RAB27A: variants seen among roughly 807,000 people sequenced by gnomAD.
The protein encoded by RAB27A is RAB27A, member RAS oncogene family.
RAB27A carries 17 observed loss-of-function variants against 20.8 expected under a neutral mutation model. The observed-to-expected ratio is 0.82, with a 90% CI of 0.56 to 1.23. RAB27A has a LOEUF of 1.23. Among genes scored for constraint, RAB27A ranks in the 50% most tolerant of loss-of-function variants. The pLI is 0.00. For missense variants in RAB27A, 277 were observed against 266.7 expected (o/e 1.04, Z -0.27); for synonymous variants, 85 against 92.8 (o/e 0.92, Z 0.48).
chr15:55,237,080 T>G (rs73409874), intron 2 of RAB27A, among the ~76,000 whole-genome samples: 1,620 of 152,238 alleles, frequency 0.011, 36 homozygotes, highest in African/African-American at 0.037. Context: ...ACATGACTAT[T>G]CAAACATACA....
chr15:55,233,152 T>C (rs1319821004), intron 3 of RAB27A, among the ~76,000 whole-genome samples: 1 of 151,992 alleles, frequency 6.6e-6, no homozygotes, highest in African/African-American at 2.4e-5. Context: ...AAAAATTAAC[T>C]GCATACAGCA....
At position 55,209,953 on chromosome 15, in the gene RAB27A, C is replaced by T. The variant is rs1166779587; in HGVS notation, c.468-4248G>A. On this transcript the variant is annotated intron_variant, in intron 6 of 6. Transcript: ENST00000336787. ...ATATGTATGTACATGTACACACATA[C>T]GCATATATGTGCGTATGTGTGTACA... 2.7e-4 allele frequency among the ~76,000 whole-genome samples: 36 copies of T among 132,534 alleles called. 2 individuals carry two copies. Among genetic ancestry groups the T allele is most frequent in the Non-Finnish European group, 5.4e-4 (34 of 62,766 alleles). 86.9% of individuals were successfully genotyped at this position (132,534 alleles called of 152,430 possible).
chr15:55,265,782 CA>C (rs1173904523), intron 2 of RAB27A, among the ~76,000 whole-genome samples: 2 of 152,120 alleles, frequency 1.3e-5, no homozygotes, highest in Non-Finnish European at 2.9e-5. Flanking sequence ...AGGACTTCAG[CA>C]GTGGATGTGG....
rs146857063 is a variant in RAB27A, at chr15:55,252,669, T to TAGAC, written c.-23+17492_-23+17495dup. On this transcript the variant is annotated intron_variant, in intron 2 of 6. Transcript: ENST00000336787. ...AAAAACCCCAAAAGCTATTGATTGATAGACAGACAGACAGACAGATAGATA... is the reference window on the plus strand; with the variant it reads ...AAAAACCCCAAAAGCTATTGATTGATAGACAGACAGACAGACAGACAGATAGATA... 5.9e-4 allele frequency among the ~76,000 whole-genome samples: 90 copies of TAGAC among 151,970 alleles called. 2 individuals carry two copies. Among genetic ancestry groups the TAGAC allele is most frequent in the African/African-American group, 1.9e-3 (79 of 41,380 alleles).
chr15:55,233,772 T>G (rs894934440), intron 3 of RAB27A, among the ~76,000 whole-genome samples: 1 of 152,166 alleles, frequency 6.6e-6, no homozygotes, highest in African/African-American at 2.4e-5. Flanking sequence ...ACCACCGAAT[T>G]TTATACTTTA....
intron 1 of RAB27A, among the ~76,000 whole-genome samples, chr15:55,273,065 T>C (rs138051582): frequency 2.6e-5 from 4 of 152,326 alleles, no homozygotes; most frequent in Non-Finnish European, 2.9e-5. Context: ...AGTAAGTCCC[T>C]ATCTATCGAT....
chr15:55,244,926 T>G (rs1468064984), intron 2 of RAB27A, among the ~76,000 whole-genome samples: 4 of 152,202 alleles, frequency 2.6e-5, no homozygotes, highest in Non-Finnish European at 5.9e-5. Flanking sequence ...TTCTTGCTTT[T>G]TTTGTTTTAT....
intron 2 of RAB27A, among the ~76,000 whole-genome samples, chr15:55,262,740 G>T (rs1897321464): frequency 6.6e-6 from 1 of 151,028 alleles, no homozygotes; most frequent in African/African-American, 2.4e-5. Flanking sequence ...TCAGGTGACT[G>T]TCCCGCCCCA....
At chr15:55,250,804 G>A (rs1328194623) in intron 2 of RAB27A, among the ~76,000 whole-genome samples, 1 of 152,184 alleles carries the variant, frequency 6.6e-6, no homozygotes, top group Non-Finnish European at 1.5e-5. Flanking sequence ...TAATGTCATT[G>A]CAACAAACCT....
chr15:55,205,673 C>G lies in RAB27A; in HGVS notation c.500G>C (p.Gly167Ala), dbSNP rs960789100. 6 of 1,613,878 alleles carry G rather than the reference C, an allele frequency of 3.7e-6. No individual in the cohort carries two copies. The African/African-American group carries it at 8.0e-5, about 22-fold the overall frequency. ...IPYFETSAAN[G>A]TNISQAIEML... The stretch of plus-strand genomic sequence containing the variant: ...CTCAATTGCTTGGCTTATGTTTGTC[C>G]CATTGGCAGCACTAGTTTCAAAGTA... Residue 167 changes from glycine to alanine, a missense_variant, in exon 7 of 7, where the codon GGG becomes GCG. By Grantham distance (60) the Gly-to-Ala change is moderately conservative. Transcript: ENST00000336787.
At chr15:55,296,386 C>T (rs2054949766) in intron 2 of RAB27A, among the ~76,000 whole-genome samples, 1 of 151,998 alleles carries the variant, frequency 6.6e-6, no homozygotes, top group Non-Finnish European at 1.5e-5. Flanking sequence ...GTCCCAGCTA[C>T]TCGGGAGGCT....
At chr15:55,233,828 A>G (rs1461734823) in intron 3 of RAB27A, among the ~76,000 whole-genome samples, 1 of 152,178 alleles carries the variant, frequency 6.6e-6, no homozygotes, top group Non-Finnish European at 1.5e-5. Flanking sequence ...CAACAAATCT[A>G]TTTTTTAAGT....
At chr15:55,225,376 T>C (rs1895756611) in intron 5 of RAB27A, among the ~76,000 whole-genome samples, 1 of 152,210 alleles carries the variant, frequency 6.6e-6, no homozygotes, top group Non-Finnish European at 1.5e-5. Flanking sequence ...ATGATACTAC[T>C]TACTTTATAC....
intron 6 of RAB27A, among the ~76,000 whole-genome samples, chr15:55,221,330 G>A (rs369023478): frequency 1.3e-5 from 2 of 152,078 alleles, no homozygotes; most frequent in East Asian, 3.9e-4. Flanking sequence ...AATGCTCTAG[G>A]ATCCATGGTT....
At chr15:55,214,185 C>G (rs551174415) in intron 6 of RAB27A, among the ~76,000 whole-genome samples, 55 of 152,258 alleles carry the variant, frequency 3.6e-4, no homozygotes, top group Non-Finnish European at 6.5e-4. Context: ...GCCTGTAATC[C>G]CAGCACTTTG....
intron 2 of RAB27A, among the ~76,000 whole-genome samples, chr15:55,296,043 C>G (rs1162580567): frequency 6.6e-6 from 1 of 151,554 alleles, no homozygotes; most frequent in Non-Finnish European, 1.5e-5. Context: ...ACCACAGGCA[C>G]CCGCCACCAT....
chr15:55,297,080 G>A (rs1209374543), intron 2 of RAB27A, among the ~76,000 whole-genome samples: 3 of 152,176 alleles, frequency 2.0e-5, no homozygotes, highest in Non-Finnish European at 4.4e-5. Flanking sequence ...GTAAAGGGAA[G>A]CCTTTATCGG....
intron 2 of RAB27A, among the ~76,000 whole-genome samples, chr15:55,303,229 C>T: frequency 1.1e-5 from 1 of 93,658 alleles, no homozygotes; most frequent in African/African-American, 6.4e-5. Flanking sequence ...GCCCCTCAGC[C>T]CGGCCAGCCG....
At chr15:55,316,014 A>G (rs1040497284) in intron 1 of RAB27A, among the ~76,000 whole-genome samples, 1 of 152,170 alleles carries the variant, frequency 6.6e-6, no homozygotes. Context: ...CAGGTGGATC[A>G]CGAGGTCAGC....
Sources: allele counts gnomAD v4.1 joint callset (sites outside exome capture counted in the v4.1 genomes callset), GRCh38; gene constraint gnomAD v4.1.1; transcripts MANE v1.5; gene names NCBI Gene and HGNC (gene_info 2026-07-23, HGNC 2026-07-21).